The following DGLUCY variants were observed in gnomAD, a reference collection of about 807,000 sequenced individuals.
DGLUCY encodes the protein D-glutamate cyclase, also known as D-glutamate cyclase, mitochondrial.
Under a neutral mutation model 58.5 loss-of-function variants are expected in DGLUCY, and 58 were observed. That is an observed-to-expected ratio of 0.99 (90% CI 0.80 to 1.23). The LOEUF (loss-of-function observed/expected upper bound fraction) is 1.23, where lower values mean the gene tolerates loss of function less well. Ranked by LOEUF, DGLUCY falls within the 50% of genes most tolerant of loss-of-function variation. The pLI, the probability that DGLUCY is intolerant of heterozygous loss-of-function variation, is 0.00. For missense variants in DGLUCY, 779 were observed against 784.7 expected, an observed-to-expected ratio of 0.99 and a Z score of 0.09; for synonymous variants, 325 against 314.1, an observed-to-expected ratio of 1.03 and a Z score of -0.37.
chr14:91,225,061 A>C lies in DGLUCY; in HGVS notation c.*228A>C. The C allele has an allele frequency of 2.4e-6, 1 of 414,958 alleles. No homozygotes were observed. Among genetic ancestry groups the C allele is most frequent in the Non-Finnish European group, 4.1e-6 (1 of 243,034 alleles). 25.7% of individuals were successfully genotyped at this position (414,958 alleles called of 1,614,324 possible). On this transcript the variant is annotated 3_prime_UTR_variant, in exon 14 of 14. Coordinates refer to ENST00000256324, the MANE Select transcript of DGLUCY (RefSeq NM_001102368.3). ...GGGCTTTTTAACTTTTATTCCTAAG[A>C]CTCTAAAGGCGTTGATTTCAACCCT...
Position 91,167,135 on chromosome 14 carries a change from G to A in DGLUCY, c.104-90G>A, listed in dbSNP as rs74083986. On this transcript the variant is annotated intron_variant, in intron 3 of 13. Coordinates refer to ENST00000256324, the MANE Select transcript of DGLUCY (RefSeq NM_001102368.3). Reference sequence around the variant, plus strand: ...GCATGGGCTACAAGAGCGAAACTCCGCCTCAAAAAAAAAAAAAAGAAAGAA... The same window carrying A: ...GCATGGGCTACAAGAGCGAAACTCCACCTCAAAAAAAAAAAAAAGAAAGAA... 6,662 of 1,394,480 alleles carry A rather than the reference G, an allele frequency of 4.8e-3. 271 individuals carry two copies. In the African/African-American group the frequency reaches 0.087, roughly 18 times the overall value. The allele number at this position is 1,394,480 out of a possible 1,614,324, so 86.4% of individuals were successfully genotyped here.
intron 13 of DGLUCY, chr14:91,223,916 A>G: frequency 3.5e-6 from 1 of 286,580 alleles, no homozygotes; most frequent in Non-Finnish European, 6.8e-6. Context: ...GCCAGGAAAG[A>G]CTCAAGTCAG....
At chr14:91,117,654 CACACACAT>C (rs1190684327) in intron 1 of DGLUCY, among the ~76,000 whole-genome samples, 3,895 of 139,940 alleles carry the variant, frequency 0.028, 116 homozygotes, top group African/African-American at 0.079. Flanking sequence ...CATACACACA[CACACACAT>C]ACACACACAC....
intron 3 of DGLUCY, among the ~76,000 whole-genome samples, chr14:91,163,971 A>G (rs2048132214): frequency 6.6e-6 from 1 of 152,116 alleles, no homozygotes; most frequent in East Asian, 1.9e-4. Flanking sequence ...ATTTTTTGAG[A>G]CAGATTCTTG....
intron 1 of DGLUCY, among the ~76,000 whole-genome samples, chr14:91,123,295 G>A (rs779795052): frequency 3.3e-5 from 5 of 152,132 alleles, no homozygotes; most frequent in African/African-American, 7.2e-5. Context: ...GACAGTAAAC[G>A]GAGGGGCCCA....
intron 1 of DGLUCY, among the ~76,000 whole-genome samples, chr14:91,068,109 A>ACACC (rs1484203344): frequency 2.1e-5 from 3 of 145,286 alleles, no homozygotes; most frequent in Non-Finnish European, 2.9e-5. Context: ...ACACACACAC[A>ACACC]CACACACCCC....
intron 9 of DGLUCY, among the ~76,000 whole-genome samples, chr14:91,194,162 T>C (rs934238792): frequency 6.6e-6 from 1 of 152,198 alleles, no homozygotes. Flanking sequence ...GCCAGGTAGT[T>C]AGCACACAGC....
chr14:91,208,822 G>A (rs1389815271), intron 12 of DGLUCY, among the ~76,000 whole-genome samples: 1 of 152,174 alleles, frequency 6.6e-6, no homozygotes, highest in Non-Finnish European at 1.5e-5. Context: ...GCAATGTTTT[G>A]TTATAAGTTG....
chr14:91,193,996 C>G (rs2050059457), intron 9 of DGLUCY, among the ~76,000 whole-genome samples: 1 of 152,142 alleles, frequency 6.6e-6, no homozygotes, highest in Admixed American at 6.6e-5. Flanking sequence ...TCTCCTGTGT[C>G]CTTTCTCGTG....
chr14:91,130,450 G>A (rs2045966975), intron 1 of DGLUCY, among the ~76,000 whole-genome samples: 1 of 151,998 alleles, frequency 6.6e-6, no homozygotes, highest in African/African-American at 2.4e-5. Flanking sequence ...TGGGACTACA[G>A]GCACAAGCCG....
chr14:91,115,729 T>C (rs2044888459), intron 1 of DGLUCY, among the ~76,000 whole-genome samples: 1 of 152,050 alleles, frequency 6.6e-6, no homozygotes, highest in Admixed American at 6.6e-5. Context: ...CTTAAAAGAG[T>C]CAGATGTCAC....
chr14:91,151,872 C>G (rs1440858692), intron 1 of DGLUCY, among the ~76,000 whole-genome samples: 1 of 151,896 alleles, frequency 6.6e-6, no homozygotes, highest in Admixed American at 6.6e-5. Context: ...CCAGACTGGT[C>G]TTGAACTCCT....
intron 1 of DGLUCY, among the ~76,000 whole-genome samples, chr14:91,065,569 T>G (rs2043806383): frequency 6.6e-6 from 1 of 152,184 alleles, no homozygotes; most frequent in African/African-American, 2.4e-5. Context: ...TAAATTGGTC[T>G]GGGGTTGGGC....
intron 1 of DGLUCY, among the ~76,000 whole-genome samples, chr14:91,090,581 C>A (rs1272274071): frequency 2.9e-4 from 44 of 152,128 alleles, no homozygotes; most frequent in Admixed American, 2.9e-3. Context: ...TCTAGGGGAG[C>A]TCTGTCCTGG....
At chr14:91,220,409 T>C (rs1567018919) in intron 13 of DGLUCY, 3 of 443,364 alleles carry the variant, frequency 6.8e-6, no homozygotes, top group Admixed American at 4.9e-5. Flanking sequence ...TCATCATCCT[T>C]CTTATCATGA....
chr14:91,223,636 G>T, intron 13 of DGLUCY: 1 of 1,279,480 alleles, frequency 7.8e-7, no homozygotes, highest in Non-Finnish European at 1.0e-6. Context: ...AAGGAGGGGG[G>T]ATGGAGGAGG....
In DGLUCY at chr14:91,206,078, G is replaced by A. The variant is rs371815027; in HGVS notation, c.1564+1253G>A. Among the ~76,000 whole-genome samples, 7 of 151,788 alleles carry A rather than the reference G, an allele frequency of 4.6e-5. No homozygotes were observed. The East Asian group carries it at 1.2e-3, about 25-fold the overall frequency. On this transcript the variant is annotated intron_variant, in intron 12 of 13. Coordinates refer to ENST00000256324, the MANE Select transcript of DGLUCY (RefSeq NM_001102368.3). ...TGGTCTCGAACTCCTGCCTTCAAGT[G>A]ATTTGCCCACCTTGGCCTCCCAAAG...
At chr14:91,096,143 A>G (rs1034604763) in intron 1 of DGLUCY, among the ~76,000 whole-genome samples, 5 of 152,174 alleles carry the variant, frequency 3.3e-5, no homozygotes, top group Non-Finnish European at 7.4e-5. Context: ...CAATTGAACC[A>G]GTAGGGAGGC....
intron 1 of DGLUCY, among the ~76,000 whole-genome samples, chr14:91,135,029 A>T (rs920766246): frequency 6.6e-6 from 1 of 151,456 alleles, no homozygotes; most frequent in Non-Finnish European, 1.5e-5. Context: ...GGCTCAAGCA[A>T]TCCTCCCACT....
Sources: allele counts gnomAD v4.1 joint callset (sites outside exome capture counted in the v4.1 genomes callset), GRCh38; gene constraint gnomAD v4.1.1; transcripts MANE v1.5; gene names NCBI Gene and HGNC (gene_info 2026-07-23, HGNC 2026-07-21).